Variants in TLN2 observed in about 807,000 individuals in gnomAD.
TLN2 encodes talin-2.
Under a neutral mutation model 294.7 loss-of-function variants are expected in TLN2, and 118 were observed. The observed-to-expected ratio is 0.40, with a 90% CI of 0.34 to 0.47. The LOEUF is 0.47. Ranked by LOEUF, TLN2 falls within the 20% of genes least tolerant of loss-of-function variation. The pLI is 0.84. For missense variants in TLN2, 3,083 were observed against 3,282.2 expected, an observed-to-expected ratio of 0.94 and a Z score of 1.48; for synonymous variants, 1,431 against 1,304.5, an observed-to-expected ratio of 1.10 and a Z score of -2.09.
intron 1 of TLN2, among the ~76,000 whole-genome samples, chr15:62,453,130 G>T (rs2036251871): frequency 6.6e-6 from 1 of 152,074 alleles, no homozygotes; most frequent in South Asian, 2.1e-4. Flanking sequence ...GCTAAATTTG[G>T]GTGATCCAGT....
intron 1 of TLN2, among the ~76,000 whole-genome samples, chr15:62,452,150 G>T (rs200142682): frequency 1.3e-5 from 2 of 151,838 alleles, no homozygotes; most frequent in African/African-American, 2.4e-5. Context: ...CGCACCAAGG[G>T]TGAAAGAACA....
rs143943700 is a variant in TLN2, at chr15:62,563,738, G to A, written c.-237-25949G>A. On this transcript the variant is annotated intron_variant, in intron 1 of 58. Transcript: ENST00000636159. ...ACATGCTGGGCCTTGTCTCTCTCCC[G>A]TTGGGCACAGTGACCTGTCATCCTG... 5.9e-3 allele frequency among the ~76,000 whole-genome samples: 900 copies of A among 152,252 alleles called. 10 individuals carry two copies. Among genetic ancestry groups the A allele is most frequent in the Middle Eastern group, 0.017 (5 of 294 alleles).
In TLN2 at chr15:62,599,886, AC is replaced by A. The variant is rs994079097; in HGVS notation, c.-162+10127del. Among the ~76,000 whole-genome samples, 32 of 152,220 alleles carry A rather than the reference AC, an allele frequency of 2.1e-4. 1 individual carries two copies. Among genetic ancestry groups the A allele is most frequent in the Admixed American group, 1.8e-3 (28 of 15,290 alleles). ...TGGATTCAGAGGAGGTGGATTCAAT[AC>A]CCTAAACTAGGAAGGAAATAAAAAT... On this transcript the variant is annotated intron_variant, in intron 2 of 58. Coordinates refer to ENST00000636159, the MANE Select transcript of TLN2 (RefSeq NM_015059.3).
chr15:62,501,128 A>G (rs935013023), intron 1 of TLN2, among the ~76,000 whole-genome samples: 14 of 152,284 alleles, frequency 9.2e-5, no homozygotes, highest in African/African-American at 3.4e-4. Flanking sequence ...AAGATAAATG[A>G]CCTTTCTCAG....
At chr15:62,452,690 C>T (rs577509929) in intron 1 of TLN2, among the ~76,000 whole-genome samples, 2 of 152,238 alleles carry the variant, frequency 1.3e-5, no homozygotes, top group East Asian at 1.9e-4. Flanking sequence ...GGAATCATAC[C>T]GCATTTGTTT....
intron 9 of TLN2, among the ~76,000 whole-genome samples, chr15:62,658,941 T>A (rs780901442): frequency 6.6e-6 from 1 of 152,212 alleles, no homozygotes; most frequent in African/African-American, 2.4e-5. Context: ...ACATTTTGTT[T>A]CTGTTGCTAG....
Position 62,797,195 on chromosome 15 carries a change from C to T in TLN2, c.6051-24C>T, listed in dbSNP as rs764114767. On this transcript the variant is annotated intron_variant, in intron 47 of 58. Transcript: ENST00000636159. Reference sequence around the variant, plus strand: ...CTTTGCCCTCTGTCTCTCCCCCTCTCCCCTGCCCTCCTGGCTCTCTCAGGG... The same window carrying T: ...CTTTGCCCTCTGTCTCTCCCCCTCTTCCCTGCCCTCCTGGCTCTCTCAGGG... 4.2e-5 allele frequency: 67 copies of T among 1,613,728 alleles called. No homozygotes were observed. The South Asian group carries it at 7.1e-4, about 17-fold the overall frequency.
intron 52 of TLN2, among the ~76,000 whole-genome samples, chr15:62,816,327 C>T (rs2067114353): frequency 6.6e-6 from 1 of 152,250 alleles, no homozygotes; most frequent in Admixed American, 6.5e-5. Context: ...TACTTTGCCT[C>T]TGCAACTATC....
intron 1 of TLN2, among the ~76,000 whole-genome samples, chr15:62,442,746 C>G (rs2035619634): frequency 6.6e-6 from 1 of 152,122 alleles, no homozygotes; most frequent in South Asian, 2.1e-4. Flanking sequence ...GCTGCTGTAA[C>G]AAATTACTAC....
intron 42 of TLN2, among the ~76,000 whole-genome samples, chr15:62,774,351 C>T (rs1243986398): frequency 1.3e-5 from 2 of 152,080 alleles, no homozygotes; most frequent in African/African-American, 4.8e-5. Context: ...TAACAAGGAA[C>T]CCCTCCGGAA....
At chr15:62,815,209 A>G in intron 52 of TLN2, among the ~76,000 whole-genome samples, 1 of 150,892 alleles carries the variant, frequency 6.6e-6, no homozygotes, top group Admixed American at 6.6e-5. Context: ...ACACACACAC[A>G]CACACACACA....
chr15:62,431,460 G>A (rs1388764433), intron 1 of TLN2, among the ~76,000 whole-genome samples: 1 of 152,152 alleles, frequency 6.6e-6, no homozygotes, highest in East Asian at 1.9e-4. Flanking sequence ...TACATAATTA[G>A]GCAATTTAAA....
chr15:62,725,180 T>C, intron 27 of TLN2, 76 bp downstream of exon 27: 3 of 1,513,868 alleles, frequency 2.0e-6, no homozygotes, highest in Middle Eastern at 2.1e-4. Flanking sequence ...TGTTAGGGTG[T>C]TTGCTAAAGT....
intron 43 of TLN2, among the ~76,000 whole-genome samples, chr15:62,778,927 C>T (rs1475264357): frequency 6.6e-6 from 1 of 152,220 alleles, no homozygotes; most frequent in Non-Finnish European, 1.5e-5. Flanking sequence ...CTGGGGACTT[C>T]AAATTAAGTG....
chr15:62,480,476 C>T (rs1439376381), intron 1 of TLN2, among the ~76,000 whole-genome samples: 2 of 152,206 alleles, frequency 1.3e-5, no homozygotes, highest in African/African-American at 2.4e-5. Context: ...ACAGCCACCT[C>T]GGCCTCCCAA....
chr15:62,780,024 G>C (rs973344494), intron 43 of TLN2, among the ~76,000 whole-genome samples: 4 of 152,196 alleles, frequency 2.6e-5, no homozygotes, highest in Admixed American at 2.6e-4. Flanking sequence ...ATGGCACAGA[G>C]CTGCCAGGGA....
intron 1 of TLN2, among the ~76,000 whole-genome samples, chr15:62,403,522 T>C (rs889105625): frequency 3.3e-5 from 5 of 152,192 alleles, no homozygotes; most frequent in Non-Finnish European, 7.3e-5. Flanking sequence ...CATGAGCCAC[T>C]GTGCCCCTCC....
chr15:62,479,627 G>A (rs2037974899), intron 1 of TLN2, among the ~76,000 whole-genome samples: 1 of 152,124 alleles, frequency 6.6e-6, no homozygotes, highest in Non-Finnish European at 1.5e-5. Context: ...CTACTGGGTG[G>A]TGGCTTGCAC....
rs1392100756 is a variant in TLN2, at chr15:62,414,511, C to A, written c.-238+23826C>A. 1.4e-5 allele frequency among the ~76,000 whole-genome samples: 2 copies of A among 140,142 alleles called. 1 individual carries two copies. The highest frequency in any genetic ancestry group is 3.0e-5 in the Non-Finnish European group (2 of 65,756). The allele number at this position is 140,142 out of a possible 152,430, so 91.9% of individuals were successfully genotyped here. A position where few individuals can be genotyped will look rare whatever the true frequency, so the allele number is the denominator to read the frequency against. On this transcript the variant is annotated intron_variant, in intron 1 of 58. Coordinates refer to ENST00000636159, the MANE Select transcript of TLN2 (RefSeq NM_015059.3). ...CAAATGCAAATTCTCCAACCTCACC[C>A]CCAAACTACTGAACCATACGCTCTG...
Sources: gnomAD v4.1 joint callset for allele counts (sites outside exome capture counted in the v4.1 genomes callset) on GRCh38, gnomAD v4.1.1 for gene constraint, MANE v1.5 for transcripts, NCBI Gene and HGNC (gene_info 2026-07-23, HGNC 2026-07-21) for gene names.